The following UGT1A8 variants were observed in gnomAD, a reference collection of about 807,000 sequenced individuals.
The protein encoded by UGT1A8 is UDP-glucuronosyltransferase 1A8.
Under a neutral mutation model 45.3 loss-of-function variants are expected in UGT1A8, and 39 were observed. That is an observed-to-expected ratio of 0.86 (90% CI 0.67 to 1.12). The LOEUF (loss-of-function observed/expected upper bound fraction) is 1.12, where lower values mean the gene tolerates loss of function less well. UGT1A8 is among the 50% of genes most tolerant of loss of function. UGT1A8 has a pLI of 0.00. For synonymous variants in UGT1A8, 275 were observed against 249.2 expected (o/e 1.10, Z -0.97); for missense variants, 719 against 664.9 (o/e 1.08, Z -0.90).
At chr2:233,727,507 A>C (rs2077622461) in intron 1 of UGT1A8, among the ~76,000 whole-genome samples, 2 of 152,166 alleles carry the variant, frequency 1.3e-5, no homozygotes, top group African/African-American at 4.8e-5. Flanking sequence ...GGAGCCCATG[A>C]ATGTGGGAAG....
chr2:233,633,173 G>T (rs1364599973), intron 1 of UGT1A8, among the ~76,000 whole-genome samples: 1 of 152,272 alleles, frequency 6.6e-6, no homozygotes, highest in East Asian at 1.9e-4. Context: ...CTTGATCATG[G>T]TGGATAAGCT....
chr2:233,730,574 G>A (rs1277853896), intron 1 of UGT1A8, among the ~76,000 whole-genome samples: 1 of 152,170 alleles, frequency 6.6e-6, no homozygotes, highest in African/African-American at 2.4e-5. Context: ...ACGAAGTTCA[G>A]TTTCCAGACA....
At chr2:233,698,157 G>A (rs1238708263) in intron 1 of UGT1A8, among the ~76,000 whole-genome samples, 4 of 152,108 alleles carry the variant, frequency 2.6e-5, no homozygotes, top group African/African-American at 7.2e-5. Context: ...CCAGCATGTC[G>A]TCCTAGAGAA....
chr2:233,730,496 A>G (rs888211040), intron 1 of UGT1A8, among the ~76,000 whole-genome samples: 3 of 152,218 alleles, frequency 2.0e-5, no homozygotes, highest in Admixed American at 6.5e-5. Context: ...TAGAAGTGTC[A>G]GAGAGGTTGA....
At chr2:233,683,891 C>T (rs1216790606) in intron 1 of UGT1A8, among the ~76,000 whole-genome samples, 12 of 152,068 alleles carry the variant, frequency 7.9e-5, no homozygotes, top group Non-Finnish European at 1.8e-4. Context: ...GGTATTTATA[C>T]CTCTTATTTT....
intron 1 of UGT1A8, among the ~76,000 whole-genome samples, chr2:233,622,933 T>C (rs150779435): frequency 0.016 from 2,364 of 152,328 alleles, 36 homozygotes; most frequent in Middle Eastern, 0.031. Context: ...CAGTTTCAGC[T>C]TTCTACATAT....
intron 1 of UGT1A8, among the ~76,000 whole-genome samples, chr2:233,650,846 G>A (rs1479774923): frequency 4.6e-5 from 7 of 152,124 alleles, no homozygotes; most frequent in African/African-American, 1.7e-4. Context: ...CCATGCTTAA[G>A]TTTTTCATAA....
At chr2:233,629,252 C>G (rs1467308318) in intron 1 of UGT1A8, among the ~76,000 whole-genome samples, 1 of 152,138 alleles carries the variant, frequency 6.6e-6, no homozygotes, top group Non-Finnish European at 1.5e-5. Context: ...TCACTCTGCA[C>G]AATGCCCTTA....
chr2:233,634,855 T>A (rs1438385274), intron 1 of UGT1A8, among the ~76,000 whole-genome samples: 4 of 150,788 alleles, frequency 2.7e-5, no homozygotes, highest in Non-Finnish European at 5.9e-5. Flanking sequence ...TGATGCTAGC[T>A]GTTTATTTTG....
At chr2:233,768,004 T>C in intron 3 of UGT1A8, 68 bp downstream of exon 3, 1 of 1,614,092 alleles carries the variant, frequency 6.2e-7, no homozygotes, top group South Asian at 1.1e-5. Context: ...TAAGCACAGC[T>C]ATTCTAAAGG....
intron 1 of UGT1A8, chr2:233,712,998 A>G: frequency 6.2e-7 from 1 of 1,613,488 alleles, no homozygotes; most frequent in Non-Finnish European, 8.5e-7. Context: ...TGAGATGGCC[A>G]CAGGACTCCA....
chr2:233,687,886 T>TG (rs1056933607), intron 1 of UGT1A8, among the ~76,000 whole-genome samples: 6 of 152,276 alleles, frequency 3.9e-5, no homozygotes, highest in African/African-American at 1.4e-4. Context: ...CCAGCCTGGG[T>TG]GATAGACTAA....
intron 1 of UGT1A8, among the ~76,000 whole-genome samples, chr2:233,657,820 C>G (rs1368220770): frequency 6.6e-6 from 1 of 152,112 alleles, no homozygotes; most frequent in Non-Finnish European, 1.5e-5. Context: ...ATGTTCAGGT[C>G]TATGCCACTT....
chr2:233,724,305 C>G (rs2077214649), intron 1 of UGT1A8, among the ~76,000 whole-genome samples: 3 of 147,406 alleles, frequency 2.0e-5, no homozygotes, highest in Admixed American at 6.7e-5. Context: ...CCCCACCTCC[C>G]TCCCGGACGG....
chr2:233,716,263 C>A lies in UGT1A8; in HGVS notation c.856-50771C>A, dbSNP rs188566072. Reference sequence around the variant, plus strand: ...TGCCCGGACATCCAGCATAATCTCCCCATGTCAAAACCCTTAATATAATCA... The same window carrying A: ...TGCCCGGACATCCAGCATAATCTCCACATGTCAAAACCCTTAATATAATCA... On this transcript the variant is annotated intron_variant, in intron 1 of 4. Transcript: ENST00000373450. Among the ~76,000 whole-genome samples the A allele has an allele frequency of 7.2e-4, 110 of 152,288 alleles. 1 individual carries two copies. Among genetic ancestry groups the A allele is most frequent in the Non-Finnish European group, 1.2e-3 (81 of 68,028 alleles).
chr2:233,693,878 A>C (rs1489546628), intron 1 of UGT1A8: 1 of 1,613,932 alleles, frequency 6.2e-7, no homozygotes. Flanking sequence ...TGGTGGGTTT[A>C]TTTCTTTTGG....
At chr2:233,666,870 A>T (rs562483349) in intron 1 of UGT1A8, among the ~76,000 whole-genome samples, 5 of 142,876 alleles carry the variant, frequency 3.5e-5, no homozygotes, top group Non-Finnish European at 7.5e-5. Flanking sequence ...TCATTGTTCA[A>T]TTCCTACCTA....
intron 1 of UGT1A8, among the ~76,000 whole-genome samples, chr2:233,661,623 T>TTTTCTTTCTTTCTTCCTTTCTTTC (rs2073965718): frequency 8.1e-6 from 1 of 123,952 alleles, no homozygotes; most frequent in Non-Finnish European, 1.7e-5. Flanking sequence ...ACTTACTGAA[T>TTTTCTTTCTTTCTTCCTTTCTTTC]TTTCTTTCTT....
rs569317540 is a variant in UGT1A8 at position 233,719,363 on chromosome 2, C to G, written c.856-47671C>G. 2.5e-6 allele frequency: 4 copies of G among 1,613,942 alleles called. No individual in the cohort carries two copies. The African/African-American group carries it at 4.0e-5, about 16-fold the overall frequency. On this transcript the variant is annotated intron_variant, in intron 1 of 4. Transcript: ENST00000373450. ...GGAGGTACATTCCATGTGACTTAGA[C>G]TTTAAGGGCACACAGTGTCCAAATC...
Sources: allele counts gnomAD v4.1 joint callset (sites outside exome capture counted in the v4.1 genomes callset), GRCh38; gene constraint gnomAD v4.1.1; transcripts MANE v1.5; gene names NCBI Gene and HGNC (gene_info 2026-07-23, HGNC 2026-07-21).